Variants in RANBP2 observed in about 807,000 individuals in gnomAD.
RANBP2 encodes RAN binding protein 2.
A neutral mutation model predicts 303.6 loss-of-function variants in RANBP2; 57 were observed. The ratio of observed to expected loss-of-function variants is 0.19; its 90% CI spans 0.15 to 0.23. The LOEUF (loss-of-function observed/expected upper bound fraction) is 0.23. Ranked by LOEUF, RANBP2 falls within the 10% of genes least tolerant of loss-of-function variation. The pLI is 1.00. For synonymous variants in RANBP2, 1,167 were observed against 1,301.5 expected (o/e 0.90, Z 2.23); for missense variants, 3,138 against 3,780.8 (o/e 0.83, Z 4.46).
chr2:108,973,793 T>C, the RANBP2 span, among the ~76,000 whole-genome samples: 1 of 152,084 alleles, frequency 6.6e-6, no homozygotes, highest in Non-Finnish European at 1.5e-5. Context: ...ATCATCAGAG[T>C]TCTCAAAGGC....
At chr2:109,685,155 G>A in the RANBP2 span, among the ~76,000 whole-genome samples, 6 of 152,148 alleles carry the variant, frequency 3.9e-5, no homozygotes, top group Non-Finnish European at 7.4e-5. Flanking sequence ...TTACAGGCAT[G>A]AGCCACCGCG....
chr2:109,135,914 G>A, the RANBP2 span, among the ~76,000 whole-genome samples: 1 of 152,196 alleles, frequency 6.6e-6, no homozygotes, highest in Non-Finnish European at 1.5e-5. Context: ...TAAAAAAACA[G>A]CAGGGGAGAA....
chr2:109,203,534 G>A, the RANBP2 span, among the ~76,000 whole-genome samples: 1 of 152,162 alleles, frequency 6.6e-6, no homozygotes, highest in African/African-American at 2.4e-5. Context: ...TGATCCCAGG[G>A]CATGCATTTG....
At chr2:109,591,468 G>A in the RANBP2 span, among the ~76,000 whole-genome samples, 3 of 152,126 alleles carry the variant, frequency 2.0e-5, no homozygotes, top group African/African-American at 7.2e-5. Context: ...AGTAATCTCT[G>A]GAGGATTAAA....
chr2:109,224,962 C>A, the RANBP2 span, among the ~76,000 whole-genome samples: 1 of 152,094 alleles, frequency 6.6e-6, no homozygotes, highest in Non-Finnish European at 1.5e-5. Context: ...TGCAGCATAA[C>A]CTTATCTTTT....
At chr2:109,079,504 G>A in the RANBP2 span, among the ~76,000 whole-genome samples, 11 of 152,174 alleles carry the variant, frequency 7.2e-5, no homozygotes, top group African/African-American at 2.7e-4. Flanking sequence ...TCAAAACATC[G>A]TGCTGTATAC....
rs1468123604 is a variant in RANBP2 at position 108,719,584 on chromosome 2, T to G, written c.-23T>G. ...GGCCTGAGCGCTGGTCTCACGCGCCTCGGGAGCCAGGTTGGCGGCGCGATG... is the reference window on the plus strand; with the variant it reads ...GGCCTGAGCGCTGGTCTCACGCGCCGCGGGAGCCAGGTTGGCGGCGCGATG... On this transcript the variant is annotated 5_prime_UTR_variant, in exon 1 of 29. Transcript: ENST00000283195. 1 of 1,596,924 alleles carries G rather than the reference T, an allele frequency of 6.3e-7. No homozygotes were observed. Among genetic ancestry groups the G allele is most frequent in the Non-Finnish European group, 8.5e-7 (1 of 1,173,596 alleles).
At chr2:108,959,694 G>A in the RANBP2 span, among the ~76,000 whole-genome samples, 31 of 152,306 alleles carry the variant, frequency 2.0e-4, no homozygotes, top group East Asian at 1.4e-3. Context: ...TGCTGGGGCC[G>A]TGGGCAGTGG....
the RANBP2 span, among the ~76,000 whole-genome samples, chr2:109,688,727 C>T: frequency 1.5e-5 from 2 of 136,030 alleles, no homozygotes; most frequent in South Asian, 2.4e-4. Context: ...TGCAGTGAGC[C>T]GAGATTGTGC....
At chr2:109,093,104 G>T in the RANBP2 span, among the ~76,000 whole-genome samples, 1 of 152,182 alleles carries the variant, frequency 6.6e-6, no homozygotes, top group South Asian at 2.1e-4. Context: ...GTCATAGTTA[G>T]CCCTAAAAGT....
the RANBP2 span, among the ~76,000 whole-genome samples, chr2:109,409,533 G>T: frequency 6.6e-6 from 1 of 152,144 alleles, no homozygotes; most frequent in Non-Finnish European, 1.5e-5. Flanking sequence ...GGGGCAGGTG[G>T]CTTGTGGGCA....
At chr2:109,623,662 A>T in the RANBP2 span, among the ~76,000 whole-genome samples, 1 of 152,230 alleles carries the variant, frequency 6.6e-6, no homozygotes, top group East Asian at 1.9e-4. Flanking sequence ...TGACCTTGAA[A>T]TGGCTCATGG....
At chr2:109,007,079 A>G in the RANBP2 span, among the ~76,000 whole-genome samples, 1 of 152,238 alleles carries the variant, frequency 6.6e-6, no homozygotes, top group Non-Finnish European at 1.5e-5. Context: ...CTTAAAACCT[A>G]ACTACACTGT....
the RANBP2 span, among the ~76,000 whole-genome samples, chr2:109,498,818 G>A: frequency 1.3e-5 from 2 of 152,196 alleles, no homozygotes. Flanking sequence ...CTGGGCAGTG[G>A]AAGATGGTAA....
chr2:109,693,428 G>A, the RANBP2 span, among the ~76,000 whole-genome samples: 1 of 152,156 alleles, frequency 6.6e-6, no homozygotes, highest in Non-Finnish European at 1.5e-5. Flanking sequence ...CAAAGTGCTG[G>A]TATTACAGGT....
chr2:108,747,955 C>T (rs1219653562), intron 8 of RANBP2, among the ~76,000 whole-genome samples: 2 of 152,096 alleles, frequency 1.3e-5, no homozygotes, highest in Non-Finnish European at 2.9e-5. Flanking sequence ...CAGTTACTTC[C>T]CATTTTACCC....
the RANBP2 span, among the ~76,000 whole-genome samples, chr2:108,990,167 C>A: frequency 6.6e-6 from 1 of 151,752 alleles, no homozygotes; most frequent in Non-Finnish European, 1.5e-5. Context: ...CGCGGTGGCT[C>A]ACGCCTGTAA....
At chr2:109,224,825 C>G in the RANBP2 span, among the ~76,000 whole-genome samples, 1 of 152,054 alleles carries the variant, frequency 6.6e-6, no homozygotes, top group Non-Finnish European at 1.5e-5. Context: ...CCACTGCAGT[C>G]CAGCCTGGGT....
the RANBP2 span, among the ~76,000 whole-genome samples, chr2:108,997,170 A>G: frequency 2.0e-5 from 3 of 152,202 alleles, no homozygotes; most frequent in East Asian, 1.9e-4. Flanking sequence ...GGCTGGGCGC[A>G]GTGGCTCACG....
Sources: gnomAD v4.1 joint callset for allele counts (sites outside exome capture counted in the v4.1 genomes callset) on GRCh38, gnomAD v4.1.1 for gene constraint, MANE v1.5 for transcripts, NCBI Gene and HGNC (gene_info 2026-07-23, HGNC 2026-07-21) for gene names.